The following ANKS1B variants were observed in gnomAD, a reference collection of about 807,000 sequenced individuals.
The protein encoded by ANKS1B is ankyrin repeat and sterile alpha motif domain-containing protein 1B.
ANKS1B carries 36 observed loss-of-function variants against 148.3 expected under a neutral mutation model. The ratio of observed to expected loss-of-function variants is 0.24; its 90% CI spans 0.19 to 0.32. The LOEUF (loss-of-function observed/expected upper bound fraction) is 0.32. Among genes scored for constraint, ANKS1B ranks in the 10% least tolerant of loss-of-function variants. The pLI, the probability that ANKS1B is intolerant of heterozygous loss-of-function variation, is 1.00. For synonymous variants in ANKS1B, 542 were observed against 560.8 expected, an observed-to-expected ratio of 0.97 and a Z score of 0.47; for missense variants, 1,157 against 1,542.6, an observed-to-expected ratio of 0.75 and a Z score of 4.19.
intron 1 of ANKS1B, among the ~76,000 whole-genome samples, chr12:99,921,734 A>G (rs914397526): frequency 1.2e-4 from 19 of 152,198 alleles, no homozygotes; most frequent in African/African-American, 4.6e-4. Flanking sequence ...ACAGTGAAAG[A>G]TCACAGGATG....
At chr12:99,194,852 A>G (rs915790115) in intron 14 of ANKS1B, among the ~76,000 whole-genome samples, 1 of 152,168 alleles carries the variant, frequency 6.6e-6, no homozygotes, top group African/African-American at 2.4e-5. Context: ...TGGGGAGTGA[A>G]TGCTTGGTAT....
intron 1 of ANKS1B, among the ~76,000 whole-genome samples, chr12:99,833,300 T>A (rs1224665697): frequency 6.6e-6 from 1 of 152,192 alleles, no homozygotes; most frequent in Non-Finnish European, 1.5e-5. Context: ...GTTCCTCACA[T>A]GATCAGTCAG....
intron 12 of ANKS1B, among the ~76,000 whole-genome samples, chr12:99,314,359 T>A (rs1235986838): frequency 2.6e-5 from 4 of 152,198 alleles, no homozygotes; most frequent in African/African-American, 9.7e-5. Context: ...AATTTATAGA[T>A]TCAATGCCAT....
At chr12:99,655,020 G>A (rs770946526) in intron 9 of ANKS1B, 47 bp downstream of exon 9, 3 of 1,524,540 alleles carry the variant, frequency 2.0e-6, no homozygotes, top group South Asian at 2.6e-5. Flanking sequence ...TAAAAACATA[G>A]GCAACCATTT....
intron 15 of ANKS1B, among the ~76,000 whole-genome samples, chr12:99,111,771 G>A (rs906264646): frequency 6.6e-6 from 1 of 151,910 alleles, no homozygotes; most frequent in African/African-American, 2.4e-5. Flanking sequence ...TCAACTCTCA[G>A]GGAGCTTTCT....
intron 17 of ANKS1B, among the ~76,000 whole-genome samples, chr12:99,038,225 T>C (rs1026697026): frequency 6.6e-6 from 1 of 152,138 alleles, no homozygotes; most frequent in African/African-American, 2.4e-5. Flanking sequence ...GGTAGTTCAA[T>C]TTACCATGTC....
intron 14 of ANKS1B, among the ~76,000 whole-genome samples, chr12:99,219,876 G>T (rs2084812238): frequency 6.6e-6 from 1 of 152,204 alleles, no homozygotes; most frequent in Non-Finnish European, 1.5e-5. Context: ...GGATAAACTA[G>T]GCATCTCCAA....
At chr12:99,205,837 T>C (rs2082605047) in intron 14 of ANKS1B, among the ~76,000 whole-genome samples, 1 of 152,204 alleles carries the variant, frequency 6.6e-6, no homozygotes, top group Non-Finnish European at 1.5e-5. Flanking sequence ...GAGTCAGAAC[T>C]CCAGCTTCCA....
At chr12:99,185,977 G>A (rs1173685245) in intron 14 of ANKS1B, among the ~76,000 whole-genome samples, 1 of 152,186 alleles carries the variant, frequency 6.6e-6, no homozygotes, top group African/African-American at 2.4e-5. Context: ...AGCCCAGCAA[G>A]CTAAGATCCA....
intron 8 of ANKS1B, among the ~76,000 whole-genome samples, chr12:99,681,092 C>G (rs1285988733): frequency 6.6e-6 from 1 of 152,066 alleles, no homozygotes; most frequent in African/African-American, 2.4e-5. Flanking sequence ...AAGACATAAT[C>G]TCTTGGGAGC....
intron 10 of ANKS1B, among the ~76,000 whole-genome samples, chr12:99,472,351 A>G (rs1234742006): frequency 6.6e-6 from 1 of 152,118 alleles, no homozygotes; most frequent in Non-Finnish European, 1.5e-5. Flanking sequence ...CATTATAATT[A>G]TTTAGGTATC....
At chr12:99,620,548 T>C (rs1389476321) in intron 9 of ANKS1B, among the ~76,000 whole-genome samples, 1 of 152,158 alleles carries the variant, frequency 6.6e-6, no homozygotes, top group Non-Finnish European at 1.5e-5. Context: ...TCAGAGCATT[T>C]GGAATTGAGA....
Position 98,794,484 on chromosome 12 carries a change from C to T in ANKS1B, c.3342+4450G>A, listed in dbSNP as rs1413965482. 14 of 386,468 alleles carry T rather than the reference C, an allele frequency of 3.6e-5. 1 individual carries two copies. Among genetic ancestry groups the T allele is most frequent in the Non-Finnish European group, 5.9e-5 (12 of 202,798 alleles). The allele number at this position is 386,468 out of a possible 1,614,324, so 23.9% of individuals were successfully genotyped here. A position where few individuals can be genotyped will look rare whatever the true frequency, so the allele number is the denominator to read the frequency against. On this transcript the variant is annotated intron_variant, in intron 22 of 26. Coordinates refer to ENST00000683438, the MANE Select transcript of ANKS1B (RefSeq NM_001352186.2). The stretch of plus-strand genomic sequence containing the variant: ...TCGATGGGGACCCATGGGGGTTCAA[C>T]ATGTGTATCAAGAAGTGTTATTTCT...
chr12:99,099,016 A>G (rs1012747119), intron 15 of ANKS1B, among the ~76,000 whole-genome samples: 1 of 152,180 alleles, frequency 6.6e-6, no homozygotes, highest in African/African-American at 2.4e-5. Context: ...CTGCATCTCC[A>G]GGATGGGTTC....
intron 10 of ANKS1B, among the ~76,000 whole-genome samples, chr12:99,462,326 T>C (rs950744985): frequency 2.0e-5 from 3 of 152,310 alleles, no homozygotes; most frequent in South Asian, 4.1e-4. Flanking sequence ...AAGTGTATAA[T>C]AGTCCTGTCC....
At chr12:98,919,954 T>A (rs1172092337) in intron 17 of ANKS1B, among the ~76,000 whole-genome samples, 1 of 152,190 alleles carries the variant, frequency 6.6e-6, no homozygotes, top group Admixed American at 6.5e-5. Flanking sequence ...ACTCACTAAT[T>A]CAACACTGAG....
intron 25 of ANKS1B, among the ~76,000 whole-genome samples, chr12:98,772,777 A>G (rs901270939): frequency 6.6e-6 from 1 of 152,184 alleles, no homozygotes; most frequent in African/African-American, 2.4e-5. Flanking sequence ...GCAGGGAGAG[A>G]GGCCTCAGAA....
intron 9 of ANKS1B, among the ~76,000 whole-genome samples, chr12:99,613,943 A>G (rs1366694978): frequency 6.6e-6 from 1 of 151,940 alleles, no homozygotes; most frequent in Non-Finnish European, 1.5e-5. Flanking sequence ...AATTTACCCT[A>G]TCCTATTCCA....
chr12:99,583,148 T>A (rs1308145278), intron 9 of ANKS1B, among the ~76,000 whole-genome samples: 2 of 152,196 alleles, frequency 1.3e-5, no homozygotes, highest in Non-Finnish European at 2.9e-5. Context: ...CATTGGTTTT[T>A]TTGTTGCACA....
Sources: gnomAD v4.1 joint callset for allele counts (sites outside exome capture counted in the v4.1 genomes callset) on GRCh38, gnomAD v4.1.1 for gene constraint, MANE v1.5 for transcripts, NCBI Gene and HGNC (gene_info 2026-07-23, HGNC 2026-07-21) for gene names.